TENM4: variants seen among roughly 807,000 people sequenced by gnomAD.
TENM4 encodes teneurin-4.
A neutral mutation model predicts 243.3 loss-of-function variants in TENM4; 82 were observed. The ratio of observed to expected loss-of-function variants is 0.34; its 90% CI spans 0.28 to 0.40. TENM4 has a LOEUF of 0.40. TENM4 is among the 10% of genes least tolerant of loss of function. The pLI, the probability that TENM4 is intolerant of heterozygous loss-of-function variation, is 1.00. For missense variants in TENM4, 3,138 were observed against 3,673.3 expected, an observed-to-expected ratio of 0.85 and a Z score of 3.77; for synonymous variants, 1,412 against 1,456.3, an observed-to-expected ratio of 0.97 and a Z score of 0.69.
Position 78,848,510 on chromosome 11 carries a change from T to A in TENM4, c.1681+5594A>T, listed in dbSNP as rs575656850. Among the ~76,000 whole-genome samples the A allele has an allele frequency of 2.6e-5, 4 of 152,212 alleles. No homozygotes were observed. The East Asian group carries it at 7.7e-4, about 29-fold the overall frequency. On this transcript the variant is annotated intron_variant, in intron 12 of 33. Transcript: ENST00000278550. ...ATTTCCTTAACACCTGCCCTCCCAT[T>A]TTCCTTTTTTAAATGTAAAAATTTC...
At chr11:79,225,880 C>T (rs139336774) in intron 2 of TENM4, among the ~76,000 whole-genome samples, 111 of 152,248 alleles carry the variant, frequency 7.3e-4, no homozygotes, top group African/African-American at 2.4e-3. Flanking sequence ...ATAATGATCA[C>T]GATCATCACC....
At chr11:78,935,156 C>T (rs1012110829) in intron 6 of TENM4, among the ~76,000 whole-genome samples, 4 of 150,802 alleles carry the variant, frequency 2.7e-5, no homozygotes, top group South Asian at 2.1e-4. Context: ...GGACTACAGG[C>T]GCCCGCCAGC....
At chr11:78,664,515 G>A (rs1377755421) in intron 32 of TENM4, among the ~76,000 whole-genome samples, 1 of 152,184 alleles carries the variant, frequency 6.6e-6, no homozygotes, top group Non-Finnish European at 1.5e-5. Flanking sequence ...GTGAGCCACT[G>A]CACCTGGCAG....
intron 16 of TENM4, among the ~76,000 whole-genome samples, chr11:78,783,801 A>G (rs559708696): frequency 6.6e-6 from 1 of 152,350 alleles, no homozygotes; most frequent in African/African-American, 2.4e-5. Flanking sequence ...TCCATGAAAG[A>G]TAAGGTGAGC....
At chr11:78,887,691 G>A (rs1193781783) in intron 9 of TENM4, among the ~76,000 whole-genome samples, 1 of 152,188 alleles carries the variant, frequency 6.6e-6, no homozygotes, top group Non-Finnish European at 1.5e-5. Context: ...CTCAGACAGA[G>A]AGCTCACTAA....
At chr11:79,156,793 T>C (rs1459011589) in intron 3 of TENM4, among the ~76,000 whole-genome samples, 1 of 152,208 alleles carries the variant, frequency 6.6e-6, no homozygotes, top group Non-Finnish European at 1.5e-5. Flanking sequence ...AATTAATCTA[T>C]GTATTTACTC....
At chr11:79,167,790 G>A (rs1379320292) in intron 3 of TENM4, among the ~76,000 whole-genome samples, 1 of 152,114 alleles carries the variant, frequency 6.6e-6, no homozygotes, top group African/African-American at 2.4e-5. Context: ...ACACCCCCAG[G>A]TCTATCTGAC....
chr11:79,022,860 A>C (rs1420979405), intron 6 of TENM4, among the ~76,000 whole-genome samples: 5 of 152,202 alleles, frequency 3.3e-5, no homozygotes, highest in Non-Finnish European at 5.9e-5. Flanking sequence ...TTCTGAGCAC[A>C]TAAATGTGCC....
intron 2 of TENM4, among the ~76,000 whole-genome samples, chr11:79,260,716 C>T (rs1421083500): frequency 3.9e-5 from 6 of 152,160 alleles, no homozygotes; most frequent in East Asian, 1.9e-4. Flanking sequence ...TCAAGCAGCA[C>T]GCCTCCGGTG....
intron 1 of TENM4, among the ~76,000 whole-genome samples, chr11:79,365,599 A>G (rs909523565): frequency 1.1e-4 from 16 of 152,280 alleles, no homozygotes; most frequent in Admixed American, 5.9e-4. Flanking sequence ...TGAGGACACA[A>G]TGATGAACAT....
chr11:79,434,141 C>T (rs1859224077), intron 1 of TENM4, among the ~76,000 whole-genome samples: 2 of 152,166 alleles, frequency 1.3e-5, no homozygotes, highest in African/African-American at 4.8e-5. Context: ...GCAAAAGCAC[C>T]CTCTGATTGA....
At position 78,702,410 on chromosome 11, in the gene TENM4, A is replaced by G; in HGVS notation, c.4210-7T>C. On this transcript the variant is annotated splice_polypyrimidine_tract_variant and splice_region_variant and intron_variant, in intron 27 of 33. Transcript: ENST00000278550. ...TGGGCCACTCCAGGTGAACCTGACA[A>G]TGAAGACACCGATACTCAAATGACT... is the stretch of plus-strand genomic sequence containing the variant. The G allele has an allele frequency of 1.2e-6, 2 of 1,605,972 alleles. No homozygotes were observed. Among genetic ancestry groups the G allele is most frequent in the Non-Finnish European group, 1.7e-6 (2 of 1,175,606 alleles).
chr11:79,113,694 G>T (rs1399311597), intron 4 of TENM4, among the ~76,000 whole-genome samples: 1 of 152,136 alleles, frequency 6.6e-6, no homozygotes, highest in Non-Finnish European at 1.5e-5. Flanking sequence ...TCAATCCTGA[G>T]GTGTGTGTGG....
chr11:78,744,485 G>A (rs1398635990), intron 19 of TENM4, among the ~76,000 whole-genome samples: 1 of 152,186 alleles, frequency 6.6e-6, no homozygotes, highest in Non-Finnish European at 1.5e-5. Flanking sequence ...CAGACTTGTG[G>A]GGAGCCAGGA....
intron 18 of TENM4, among the ~76,000 whole-genome samples, chr11:78,767,755 C>A (rs1266156896): frequency 7.2e-5 from 11 of 152,210 alleles, no homozygotes; most frequent in Admixed American, 7.2e-4. Flanking sequence ...TCCCTCCAGC[C>A]TGAATGATTT....
rs371736544 is a variant in TENM4 at position 78,756,802 on chromosome 11, C to T, written c.2756+3G>A. ...TGGCTGGAGCTGGGGCCCTCGGACT[C>T]ACCCTCCATCAAAGGGGTTCTCCCC... On this transcript the variant is annotated splice_donor_region_variant and intron_variant, in intron 19 of 33. Transcript: ENST00000278550. 5 of 1,611,964 alleles carry T rather than the reference C, an allele frequency of 3.1e-6. No individual in the cohort carries two copies. The African/African-American group carries it at 6.7e-5, about 22-fold the overall frequency.
chr11:79,212,336 G>T (rs531234813), intron 3 of TENM4, among the ~76,000 whole-genome samples: 1 of 152,128 alleles, frequency 6.6e-6, no homozygotes, highest in East Asian at 1.9e-4. Context: ...TGTCACCAAG[G>T]CCTGTGCCAT....
At chr11:79,219,344 G>A (rs1055150900) in intron 2 of TENM4, among the ~76,000 whole-genome samples, 2 of 152,202 alleles carry the variant, frequency 1.3e-5, no homozygotes, top group Admixed American at 6.5e-5. Flanking sequence ...GAGTAATAGG[G>A]AGCCTCTGAG....
At chr11:78,677,305 A>G (rs1858504380) in intron 29 of TENM4, among the ~76,000 whole-genome samples, 1 of 146,702 alleles carries the variant, frequency 6.8e-6, no homozygotes, top group Non-Finnish European at 1.5e-5. Flanking sequence ...GCTGTAGTGC[A>G]GTAGTACAAT....
Sources: gnomAD v4.1 joint callset for allele counts (sites outside exome capture counted in the v4.1 genomes callset) on GRCh38, gnomAD v4.1.1 for gene constraint, MANE v1.5 for transcripts, NCBI Gene and HGNC (gene_info 2026-07-23, HGNC 2026-07-21) for gene names.